MTMR6: variants seen among roughly 807,000 people sequenced by gnomAD.
MTMR6 encodes the protein phosphatidylinositol-3,5-bisphosphate 3-phosphatase MTMR6.
A neutral mutation model predicts 80.1 loss-of-function variants in MTMR6; 47 were observed. The observed-to-expected ratio is 0.59, with a 90% CI of 0.46 to 0.75. The LOEUF (loss-of-function observed/expected upper bound fraction) is 0.75. Among genes scored for constraint, MTMR6 ranks in the 30% least tolerant of loss-of-function variants. The pLI, the probability that MTMR6 is intolerant of heterozygous loss-of-function variation, is 0.00. For missense variants in MTMR6, 629 were observed against 730.9 expected, an observed-to-expected ratio of 0.86 and a Z score of 1.61; for synonymous variants, 254 against 253.0, an observed-to-expected ratio of 1.00 and a Z score of -0.04.
Position 25,287,394 on chromosome 13 carries a change from G to A in MTMR6, c.-147C>T, listed in dbSNP as rs920363816. On this transcript the variant is annotated 5_prime_UTR_variant, in exon 1 of 14. Transcript: ENST00000381801. ...TCTGCCGGCCCCGGTGGCGTCAACG[G>A]CGCAGGTGCAGCCGGTGAGCGCCGT... is the stretch of plus-strand genomic sequence containing the variant. 3.6e-5 allele frequency: 39 copies of A among 1,073,654 alleles called. No homozygotes were observed. The African/African-American group carries it at 5.5e-4, about 15-fold the overall frequency. The allele number at this position is 1,073,654 out of a possible 1,614,324, so 66.5% of individuals were successfully genotyped here. A position where few individuals can be genotyped will look rare whatever the true frequency, so the allele number is the denominator to read the frequency against.
intron 1 of MTMR6, among the ~76,000 whole-genome samples, chr13:25,286,556 A>G (rs1237717685): frequency 6.6e-6 from 1 of 152,260 alleles, no homozygotes; most frequent in Non-Finnish European, 1.5e-5. Flanking sequence ...TCTTCCACAC[A>G]CAAAAATTAA....
Position 25,257,842 on chromosome 13 carries a change from T to C in MTMR6, c.863A>G (p.Asn288Ser), listed in dbSNP as rs191265745. The part of the protein sequence containing the change: ...RSSLQKLLEV[N>S]GTKGLSVNDF... ...ATTGACAGAAAGCCCTTTAGTGCCATTGACTGAAAGAGGTATAAAAATATT... is the reference window on the plus strand; with the variant it reads ...ATTGACAGAAAGCCCTTTAGTGCCACTGACTGAAAGAGGTATAAAAATATT... The change falls in exon 8 of 14, where the codon AAT (asparagine) becomes AGT (serine). Residue 288 changes from asparagine to serine, a missense_variant. Asn to Ser is a conservative substitution (Grantham distance 46). Coordinates refer to ENST00000381801, the MANE Select transcript of MTMR6 (RefSeq NM_004685.5). The C allele has an allele frequency of 1.8e-5, 29 of 1,609,514 alleles. No individual in the cohort carries two copies. The African/African-American group carries it at 2.7e-4, about 15-fold the overall frequency.
chr13:25,265,724 C>T, intron 5 of MTMR6, 95 bp downstream of exon 5: 2 of 1,357,670 alleles, frequency 1.5e-6, no homozygotes, highest in Non-Finnish European at 2.0e-6. Context: ...AGAGCGAGAC[C>T]CTATCTCAAA....
chr13:25,275,693 C>G (rs1566043056), intron 1 of MTMR6, among the ~76,000 whole-genome samples: 1 of 151,734 alleles, frequency 6.6e-6, no homozygotes, highest in Non-Finnish European at 1.5e-5. Context: ...AACCCCGTCT[C>G]TATCAAAAAT....
intron 5 of MTMR6, 83 bp downstream of exon 5, chr13:25,265,736 A>C: frequency 6.7e-7 from 1 of 1,483,506 alleles, no homozygotes; most frequent in Non-Finnish European, 9.1e-7. Context: ...TATCTCAAAA[A>C]AAAAAAAAAA....
chr13:25,255,020 C>T lies in MTMR6; in HGVS notation c.1096-586G>A, dbSNP rs17082050. Among the ~76,000 whole-genome samples the T allele has an allele frequency of 6.1e-3, 933 of 152,316 alleles. 12 individuals are homozygous for T. The highest frequency in any genetic ancestry group is 0.021 in the African/African-American group (861 of 41,584). On this transcript the variant is annotated intron_variant, in intron 9 of 13. Transcript: ENST00000381801. The stretch of plus-strand genomic sequence containing the variant: ...CTTTATGTTTTCCTTGCCACAGCTT[C>T]TCTACTTACCCACTCCACTGTAAAA...
Position 25,262,154 on chromosome 13 carries a change from T to C in MTMR6, c.592-352A>G, listed in dbSNP as rs766962542. Among the ~76,000 whole-genome samples, 45 of 152,180 alleles carry C rather than the reference T, an allele frequency of 3.0e-4. 1 individual carries two copies. The highest frequency in any genetic ancestry group is 8.5e-4 in the Admixed American group (13 of 15,286). On this transcript the variant is annotated intron_variant, in intron 5 of 13. Coordinates refer to ENST00000381801, the MANE Select transcript of MTMR6 (RefSeq NM_004685.5). ...TCCAACTGAAGTTCAAGTAAAAGAT[T>C]AGTCAATAAAAATAGAACAAGAATT...
intron 1 of MTMR6, among the ~76,000 whole-genome samples, chr13:25,274,887 A>G (rs1314389814): frequency 6.7e-6 from 1 of 150,346 alleles, no homozygotes; most frequent in Non-Finnish European, 1.5e-5. Context: ...GGCCTCCTCT[A>G]CTGCCTGAGC....
At chr13:25,285,642 C>T (rs1957941399) in intron 1 of MTMR6, among the ~76,000 whole-genome samples, 1 of 151,968 alleles carries the variant, frequency 6.6e-6, no homozygotes, top group African/African-American at 2.4e-5. Flanking sequence ...TGAAGCAATT[C>T]TCCTGCCTCA....
chr13:25,253,678 A>G, intron 11 of MTMR6, 86 bp downstream of exon 11: 3 of 1,153,836 alleles, frequency 2.6e-6, no homozygotes, highest in Non-Finnish European at 2.4e-6. Flanking sequence ...AATTGTCAAG[A>G]TATTTTATTA....
Position 25,257,782 on chromosome 13 carries a change from A to T in MTMR6, c.923T>A (p.Leu308His). 2 of 1,613,992 alleles carry T rather than the reference A, an allele frequency of 1.2e-6. No homozygotes were observed. Among genetic ancestry groups the T allele is most frequent in the Non-Finnish European group, 1.7e-6 (2 of 1,179,884 alleles). ...FYSGLESSGW[L>H]RHIKAVMDAA... ...ATCCATAACAGCTTTGATATGGCGAAGCCATCCCGAGCTCTCCAAACCGGA... is the reference window on the plus strand; with the variant it reads ...ATCCATAACAGCTTTGATATGGCGATGCCATCCCGAGCTCTCCAAACCGGA... Residue 308 changes from leucine to histidine, a missense_variant, in exon 8 of 14, where the codon CTT (leucine) becomes CAT (histidine). Transcript: ENST00000381801.
chr13:25,276,291 G>T (rs1313521374), intron 1 of MTMR6, among the ~76,000 whole-genome samples: 2 of 152,218 alleles, frequency 1.3e-5, no homozygotes, highest in Non-Finnish European at 2.9e-5. Context: ...GGAAATAAAG[G>T]TTACCACAAA....
At position 25,249,098 on chromosome 13, in the gene MTMR6, C is replaced by T; in HGVS notation, c.*134G>A. ...TTCTCTCACAAGGGTAGTTATTATC[C>T]TTCCTTCAACTATTAGCCTACTGTT... On this transcript the variant is annotated 3_prime_UTR_variant, in exon 14 of 14. Coordinates refer to ENST00000381801, the MANE Select transcript of MTMR6 (RefSeq NM_004685.5). The T allele has an allele frequency of 1.2e-6, 1 of 862,158 alleles. No homozygotes were observed. The highest frequency in any genetic ancestry group is 1.9e-5 in the South Asian group (1 of 51,864). The allele number at this position is 862,158 out of a possible 1,614,324, so 53.4% of individuals were successfully genotyped here. A position where few individuals can be genotyped will look rare whatever the true frequency, so the allele number is the denominator to read the frequency against.
At chr13:25,281,847 G>A (rs553813294) in intron 1 of MTMR6, among the ~76,000 whole-genome samples, 21 of 152,296 alleles carry the variant, frequency 1.4e-4, no homozygotes, top group South Asian at 2.1e-4. Flanking sequence ...AACAGTGTCT[G>A]GCTGCATAAA....
chr13:25,261,729 T>G lies in MTMR6; in HGVS notation c.665A>C (p.Gln222Pro). 1 of 1,613,926 alleles carries G rather than the reference T, an allele frequency of 6.2e-7. No individual in the cohort carries two copies. The highest frequency in any genetic ancestry group is 8.5e-7 in the Non-Finnish European group (1 of 1,179,860). The change falls in exon 6 of 14, where the codon CAA (glutamine) becomes CCA (proline). Residue 222 changes from glutamine (Q) to proline (P), a missense_variant. Gln to Pro is a moderately conservative substitution (Grantham distance 76). Coordinates refer to ENST00000381801, the MANE Select transcript of MTMR6 (RefSeq NM_004685.5). The part of the protein sequence containing the change: ...ARCLEDEHLL[Q>P]AISKANPVNR... ...GACTGGATTGGCTTTACTAATGGCT[T>G]GAAGCAAATGTTCATCCTCCAGGCA...
intron 3 of MTMR6, 100 bp downstream of exon 3, chr13:25,267,679 G>T: frequency 8.0e-7 from 1 of 1,245,748 alleles, no homozygotes; most frequent in Non-Finnish European, 1.1e-6. Context: ...GACTGTCAGA[G>T]CAAAAAAGGA....
intron 13 of MTMR6, among the ~76,000 whole-genome samples, chr13:25,250,989 A>G (rs1178439010): frequency 6.9e-6 from 1 of 144,048 alleles, no homozygotes; most frequent in Non-Finnish European, 1.5e-5. Context: ...AGGGTCTTCA[A>G]ATAGATCTAT....
At chr13:25,256,180 A>G (rs1315721978) in intron 9 of MTMR6, among the ~76,000 whole-genome samples, 1 of 152,098 alleles carries the variant, frequency 6.6e-6, no homozygotes, top group East Asian at 1.9e-4. Context: ...TCCATCACAC[A>G]TTACCTGCAG....
chr13:25,258,565 A>T lies in MTMR6; in HGVS notation c.854T>A (p.Leu285Ter). 6.3e-7 allele frequency: 1 copy of T among 1,588,748 alleles called. No homozygotes were observed. The highest frequency in any genetic ancestry group is 8.5e-7 in the Non-Finnish European group (1 of 1,172,934). ...HVMRSSLQKL[L>*]EVNGTKGLSV... ...AAAAGTAAGCAATAATATACCTTCC[A>T]ATAATTTCTGAAGGCTGGACCTCAT... is the stretch of plus-strand genomic sequence containing the variant. The change falls in exon 7 of 14, where the codon TTG becomes TAG. Residue 285 changes from leucine (L) to a stop codon, truncating the protein, a stop_gained. Coordinates refer to ENST00000381801, the MANE Select transcript of MTMR6 (RefSeq NM_004685.5). LOFTEE classifies it high-confidence loss of function.
Sources: allele counts gnomAD v4.1 joint callset (sites outside exome capture counted in the v4.1 genomes callset), GRCh38; gene constraint gnomAD v4.1.1; transcripts MANE v1.5; gene names NCBI Gene and HGNC (gene_info 2026-07-23, HGNC 2026-07-21).